Variants in PRKN observed in about 807,000 individuals in gnomAD.
The protein encoded by PRKN is parkin RBR E3 ubiquitin protein ligase, also known as E3 ubiquitin-protein ligase parkin.
Under a neutral mutation model 59.5 loss-of-function variants are expected in PRKN, and 56 were observed. That is an observed-to-expected ratio of 0.94 (90% confidence interval 0.76 to 1.18). The LOEUF is 1.18. Among genes scored for constraint, PRKN ranks in the 50% most tolerant of loss-of-function variants. PRKN has a pLI of 0.00. For synonymous variants in PRKN, 250 were observed against 222.1 expected, an observed-to-expected ratio of 1.13 and a Z score of -1.12; for missense variants, 657 against 596.4, an observed-to-expected ratio of 1.10 and a Z score of -1.06.
rs140725704 is a variant in PRKN at position 161,634,961 on chromosome 6, A to G, written c.872-65545T>C. Reference sequence around the variant, plus strand: ...GGCTTCGCATAGCATCCCTGTTCTCACCCCAAAGAACCCGAGGCCAGGACA... The same window carrying G: ...GGCTTCGCATAGCATCCCTGTTCTCGCCCCAAAGAACCCGAGGCCAGGACA... On this transcript the variant is annotated intron_variant, in intron 7 of 11. Transcript: ENST00000366898. 4.1e-3 allele frequency among the ~76,000 whole-genome samples: 622 copies of G among 152,144 alleles called. 2 individuals carry two copies. Among genetic ancestry groups the G allele is most frequent in the African/African-American group, 0.014 (590 of 41,510 alleles).
chr6:162,053,169 G>T (rs1001199150), intron 5 of PRKN, among the ~76,000 whole-genome samples: 1 of 152,158 alleles, frequency 6.6e-6, no homozygotes, highest in African/African-American at 2.4e-5. Flanking sequence ...ACTGTTTATT[G>T]TTGCCCACTG....
At chr6:162,619,314 T>C (rs2128220444) in intron 1 of PRKN, among the ~76,000 whole-genome samples, 1 of 69,874 alleles carries the variant, frequency 1.4e-5, no homozygotes, top group East Asian at 2.6e-4. Flanking sequence ...GGCTAATTTT[T>C]AATTTTTTTT....
chr6:162,307,267 G>A (rs1782274760), intron 2 of PRKN, among the ~76,000 whole-genome samples: 1 of 151,992 alleles, frequency 6.6e-6, no homozygotes, highest in South Asian at 2.1e-4. Context: ...AGTCATGCTG[G>A]TGGGCGCCTA....
At chr6:161,640,625 T>G (rs1008564375) in intron 7 of PRKN, among the ~76,000 whole-genome samples, 2 of 152,128 alleles carry the variant, frequency 1.3e-5, no homozygotes, top group Non-Finnish European at 2.9e-5. Context: ...ACATCCTATT[T>G]TTTGACCAGG....
At chr6:161,746,799 CACAG>C (rs1413560839) in intron 7 of PRKN, among the ~76,000 whole-genome samples, 4 of 140,442 alleles carry the variant, frequency 2.8e-5, no homozygotes, top group African/African-American at 5.9e-5. Flanking sequence ...TCTAGATATG[CACAG>C]ACATATATAT....
At chr6:161,830,869 C>T (rs1439469633) in intron 6 of PRKN, among the ~76,000 whole-genome samples, 1 of 152,070 alleles carries the variant, frequency 6.6e-6, no homozygotes, top group Non-Finnish European at 1.5e-5. Flanking sequence ...TAATGGCATC[C>T]AGCATACCAA....
At chr6:161,842,506 T>G (rs35028120) in intron 6 of PRKN, among the ~76,000 whole-genome samples, 70,657 of 150,882 alleles carry the variant, frequency 0.47, 17,021 homozygotes, top group East Asian at 0.61. Flanking sequence ...GAGAGACATG[T>G]CCTTGCTGAT....
At chr6:161,671,184 G>A (rs1047248836) in intron 7 of PRKN, among the ~76,000 whole-genome samples, 2 of 152,234 alleles carry the variant, frequency 1.3e-5, no homozygotes, top group East Asian at 1.9e-4. Context: ...CTTGCTCTCA[G>A]AAACATAATA....
chr6:161,923,857 T>A (rs983743699), intron 6 of PRKN, among the ~76,000 whole-genome samples: 1 of 152,162 alleles, frequency 6.6e-6, no homozygotes, highest in Non-Finnish European at 1.5e-5. Flanking sequence ...CCTGGCTTCC[T>A]CTTTCCCTGT....
chr6:162,568,816 A>C (rs1780194249), intron 1 of PRKN: 1 of 730,790 alleles, frequency 1.4e-6, no homozygotes, highest in Non-Finnish European at 2.5e-6. Context: ...GGCAACATGC[A>C]GGGGCTGGTG....
intron 2 of PRKN, among the ~76,000 whole-genome samples, chr6:162,364,982 T>C (rs1271583966): frequency 3.2e-4 from 44 of 139,024 alleles, no homozygotes; most frequent in South Asian, 1.9e-3. Flanking sequence ...TCTCTCTCTT[T>C]TTTTTTTTTT....
chr6:162,319,078 G>A (rs1782872481), intron 2 of PRKN, among the ~76,000 whole-genome samples: 1 of 151,818 alleles, frequency 6.6e-6, no homozygotes, highest in African/African-American at 2.4e-5. Context: ...TTCATCCTTG[G>A]CACTCAAGAA....
At chr6:162,599,551 G>A (rs897461554) in intron 1 of PRKN, among the ~76,000 whole-genome samples, 2 of 152,038 alleles carry the variant, frequency 1.3e-5, no homozygotes, top group South Asian at 2.1e-4. Flanking sequence ...TAATACGCCC[G>A]GCAGAGGCAA....
chr6:161,396,066 C>T lies in PRKN; in HGVS notation c.1084-9189G>A, dbSNP rs966234760. The stretch of plus-strand genomic sequence containing the variant: ...TGACGCTTGCCAGGTGACCTGACTG[C>T]AGCAGTCTGCCAGAGGACAGGGGAA... On this transcript the variant is annotated intron_variant, in intron 9 of 11. Coordinates refer to ENST00000366898, the MANE Select transcript of PRKN (RefSeq NM_004562.3). The surrounding 1 kb of genome is among the most constrained non-coding windows in gnomAD (Gnocchi z 5.4). Among the ~76,000 whole-genome samples, 4 of 152,186 alleles carry T rather than the reference C, an allele frequency of 2.6e-5. No homozygotes were observed. Among genetic ancestry groups the T allele is most frequent in the African/African-American group, 9.7e-5 (4 of 41,428 alleles).
intron 7 of PRKN, among the ~76,000 whole-genome samples, chr6:161,709,801 A>T: frequency 6.6e-6 from 1 of 152,352 alleles, no homozygotes; most frequent in African/African-American, 2.4e-5. Context: ...TATATGTAAA[A>T]CATCTAAGAC....
At chr6:162,276,639 C>T (rs1780647535) in intron 2 of PRKN, among the ~76,000 whole-genome samples, 1 of 151,826 alleles carries the variant, frequency 6.6e-6, no homozygotes, top group Admixed American at 6.6e-5. Context: ...TTAATATATT[C>T]ACTATCTTTT....
At chr6:162,256,824 A>G (rs915221748) in intron 3 of PRKN, among the ~76,000 whole-genome samples, 1 of 152,176 alleles carries the variant, frequency 6.6e-6, no homozygotes, top group African/African-American at 2.4e-5. Context: ...CCTTGAAATC[A>G]CAATATGACC....
In PRKN at chr6:161,549,871, C is replaced by T. The variant is rs2115428910; in HGVS notation, c.934-868G>A. Among the ~76,000 whole-genome samples the T allele has an allele frequency of 6.6e-6, 1 of 152,324 alleles. No homozygotes were observed. Among genetic ancestry groups the T allele is most frequent in the Non-Finnish European group, 1.5e-5 (1 of 68,030 alleles). On this transcript the variant is annotated intron_variant, in intron 8 of 11. Transcript: ENST00000366898. This position sits in a 1 kb window ranked among gnomAD's most constrained non-coding sequence, Gnocchi z 6.0. ...GATACAGCAGTGAATGAACAAACTT[C>T]TCCGCCTTCATCCACAGCACTGTAA...
intron 1 of PRKN, among the ~76,000 whole-genome samples, chr6:162,555,563 G>A (rs546990050): frequency 2.6e-4 from 40 of 151,674 alleles, no homozygotes; most frequent in African/African-American, 9.4e-4. Context: ...TCACCCTCTT[G>A]GTTTTTAAAT....
Sources: allele counts gnomAD v4.1 joint callset (sites outside exome capture counted in the v4.1 genomes callset), GRCh38; gene constraint gnomAD v4.1.1; non-coding constraint Gnocchi (gnomAD v3.1); transcripts MANE v1.5; gene names NCBI Gene and HGNC (gene_info 2026-07-23, HGNC 2026-07-21).